VPS13B: variants seen among roughly 807,000 people sequenced by gnomAD.
VPS13B encodes the protein intermembrane lipid transfer protein VPS13B.
A neutral mutation model predicts 426.4 loss-of-function variants in VPS13B; 285 were observed. The ratio of observed to expected loss-of-function variants is 0.67; its 90% CI spans 0.61 to 0.74. VPS13B has a LOEUF of 0.74. Among genes scored for constraint, VPS13B ranks in the 30% least tolerant of loss-of-function variants. The pLI, the probability that VPS13B is intolerant of heterozygous loss-of-function variation, is 0.00. For missense variants in VPS13B, 4,537 were observed against 4,782.6 expected (o/e 0.95, Z 1.51); for synonymous variants, 1,676 against 1,676.4 (o/e 1.00, Z 0.01).
At chr8:99,715,676 G>T (rs925713797) in intron 36 of VPS13B, among the ~76,000 whole-genome samples, 2 of 152,140 alleles carry the variant, frequency 1.3e-5, no homozygotes, top group African/African-American at 4.8e-5. Context: ...TCACTGTGGG[G>T]TTGTACAAAG....
At chr8:99,030,824 G>C (rs1438446509) in intron 2 of VPS13B, among the ~76,000 whole-genome samples, 1 of 151,714 alleles carries the variant, frequency 6.6e-6, no homozygotes, top group Non-Finnish European at 1.5e-5. Context: ...TCATAAATTT[G>C]GTAAATATTT....
chr8:99,281,796 C>G (rs1003967151), intron 19 of VPS13B, among the ~76,000 whole-genome samples: 1 of 152,150 alleles, frequency 6.6e-6, no homozygotes, highest in Non-Finnish European at 1.5e-5. Flanking sequence ...CTTTGTTCCC[C>G]TCCTCGAAGA....
chr8:99,156,475 G>A (rs1811370506), intron 14 of VPS13B, 74 bp from the exon 15 acceptor site: 2 of 1,445,332 alleles, frequency 1.4e-6, no homozygotes, highest in Non-Finnish European at 1.9e-6. Context: ...CAGATCTGAA[G>A]CTTGCATAGA....
chr8:99,403,468 G>A (rs1245721281), intron 21 of VPS13B, among the ~76,000 whole-genome samples: 2 of 150,240 alleles, frequency 1.3e-5, no homozygotes, highest in South Asian at 2.1e-4. Flanking sequence ...AGAATCGCTC[G>A]AACCCGGGTG....
intron 21 of VPS13B, among the ~76,000 whole-genome samples, chr8:99,415,084 T>TA (rs1815921708): frequency 6.6e-6 from 1 of 152,104 alleles, no homozygotes; most frequent in Non-Finnish European, 1.5e-5. Flanking sequence ...GTCCCATATT[T>TA]CTTGGAGGCT....
chr8:99,495,757 G>T (rs950777251), intron 25 of VPS13B, among the ~76,000 whole-genome samples: 1 of 152,026 alleles, frequency 6.6e-6, no homozygotes, highest in Non-Finnish European at 1.5e-5. Context: ...TAACTTTGTT[G>T]CCCTACTTAG....
intron 43 of VPS13B, among the ~76,000 whole-genome samples, chr8:99,796,455 A>G (rs1812821037): frequency 1.3e-5 from 2 of 152,178 alleles, no homozygotes; most frequent in Non-Finnish European, 2.9e-5. Flanking sequence ...GAAGAAAGAA[A>G]TGCGAGATTG....
intron 35 of VPS13B, among the ~76,000 whole-genome samples, chr8:99,676,745 C>T (rs1325054945): frequency 1.3e-5 from 2 of 151,926 alleles, no homozygotes; most frequent in African/African-American, 2.4e-5. Flanking sequence ...AGGGGATGAT[C>T]GCTGAAGAGT....
intron 15 of VPS13B, among the ~76,000 whole-genome samples, chr8:99,168,101 G>A (rs1374048310): frequency 6.6e-6 from 1 of 151,948 alleles, no homozygotes; most frequent in East Asian, 1.9e-4. Flanking sequence ...TTTTTGATTT[G>A]GTGGATAATA....
Position 99,776,852 on chromosome 8 carries a change from T to A in VPS13B, c.7325T>A (p.Val2442Asp). Residue 2442 changes from valine (V) to aspartate (D), a missense_variant, in exon 41 of 62, where the codon GTT (valine) becomes GAT (aspartate). Transcript: ENST00000357162. Reference protein sequence around the residue: ...TPTALAACTRVDSCFTPWFVP... With the variant: ...TPTALAACTRDDSCFTPWFVP... The stretch of plus-strand genomic sequence containing the variant: ...ACAGCCCTGGCTGCCTGTACCAGAG[T>A]TGACTCCTGCTTTACCCCATGGTTT... 6.2e-7 allele frequency: 1 copy of A among 1,614,068 alleles called. No homozygotes were observed. The highest frequency in any genetic ancestry group is 8.5e-7 in the Non-Finnish European group (1 of 1,179,992).
At chr8:99,411,556 CTTTAG>C (rs1815665767) in intron 21 of VPS13B, among the ~76,000 whole-genome samples, 1 of 152,152 alleles carries the variant, frequency 6.6e-6, no homozygotes, top group African/African-American at 2.4e-5. Context: ...TGCAGAAGCT[CTTTAG>C]TTTATTTAGA....
At chr8:99,288,029 C>T (rs562842645) in intron 19 of VPS13B, among the ~76,000 whole-genome samples, 22 of 152,084 alleles carry the variant, frequency 1.4e-4, no homozygotes, top group Middle Eastern at 6.8e-3. Flanking sequence ...GTATTTATGT[C>T]AGCTTATTTA....
At chr8:99,268,804 G>A (rs964081973) in intron 17 of VPS13B, among the ~76,000 whole-genome samples, 12 of 152,088 alleles carry the variant, frequency 7.9e-5, no homozygotes, top group African/African-American at 2.9e-4. Flanking sequence ...TTTTGGGGGG[G>A]CCAGGGTAGA....
intron 39 of VPS13B, among the ~76,000 whole-genome samples, chr8:99,761,019 T>A (rs1447475061): frequency 6.6e-6 from 1 of 152,170 alleles, no homozygotes. Flanking sequence ...CAACCCCTCA[T>A]GGATACTGAA....
chr8:99,827,135 A>G (rs148184269), intron 51 of VPS13B, among the ~76,000 whole-genome samples: 6,193 of 152,246 alleles, frequency 0.041, 145 homozygotes, highest in East Asian at 0.072. Flanking sequence ...GAATAGTTTC[A>G]GAAGGAATGA....
intron 16 of VPS13B, 123 bp downstream of exon 16, chr8:99,170,286 A>G (rs1390165773): frequency 1.6e-6 from 2 of 1,248,360 alleles, no homozygotes; most frequent in Admixed American, 4.3e-5. Context: ...AAAAAAATCT[A>G]AACTTGTACT....
chr8:99,050,669 G>A (rs6468655), intron 3 of VPS13B, among the ~76,000 whole-genome samples: 111,750 of 152,008 alleles, frequency 0.74, 41,809 homozygotes, highest in South Asian at 0.87. Flanking sequence ...AAGTGTTCCT[G>A]TTTCTCCACA....
chr8:99,789,338 G>C (rs185203549), intron 43 of VPS13B, among the ~76,000 whole-genome samples: 4 of 152,066 alleles, frequency 2.6e-5, no homozygotes, highest in Non-Finnish European at 4.4e-5. Flanking sequence ...TTAAAAAGCC[G>C]ACTTGGGGGA....
chr8:99,455,119 C>A (rs1297135796), intron 23 of VPS13B, among the ~76,000 whole-genome samples: 1 of 152,088 alleles, frequency 6.6e-6, no homozygotes, highest in African/African-American at 2.4e-5. Flanking sequence ...TAAAGTCCAG[C>A]TTATCAGTTC....
Sources: allele counts gnomAD v4.1 joint callset (sites outside exome capture counted in the v4.1 genomes callset), GRCh38; gene constraint gnomAD v4.1.1; transcripts MANE v1.5; gene names NCBI Gene and HGNC (gene_info 2026-07-23, HGNC 2026-07-21).